The following HIVEP3 variants were observed in gnomAD, a reference collection of about 807,000 sequenced individuals.
HIVEP3 encodes the protein HIVEP zinc finger 3, also known as transcription factor HIVEP3.
In HIVEP3, 49 loss-of-function variants were observed where a neutral mutation model predicts 152.8. The ratio of observed to expected loss-of-function variants is 0.32; its 90% CI spans 0.26 to 0.41. HIVEP3 has a LOEUF of 0.41. HIVEP3 is among the 10% of genes least tolerant of loss of function. The pLI, the probability that HIVEP3 is intolerant of heterozygous loss-of-function variation, is 1.00. For missense variants in HIVEP3, 2,790 were observed against 3,103.3 expected (o/e 0.90, Z 2.40); for synonymous variants, 1,269 against 1,289.0 (o/e 0.98, Z 0.33).
chr1:41,956,341 C>T (rs1374356500), intron 1 of HIVEP3, among the ~76,000 whole-genome samples: 2 of 152,140 alleles, frequency 1.3e-5, no homozygotes, highest in Non-Finnish European at 1.5e-5. Context: ...TTATCTGTTT[C>T]GTGTATGAAA....
chr1:41,605,372 C>T (rs1264767593), intron 3 of HIVEP3, among the ~76,000 whole-genome samples: 9 of 84,010 alleles, frequency 1.1e-4, no homozygotes, highest in African/African-American at 1.6e-4. Flanking sequence ...CACACGCACA[C>T]GCGCACACAC....
chr1:41,877,896 A>C (rs1644196105), intron 1 of HIVEP3, among the ~76,000 whole-genome samples: 1 of 152,206 alleles, frequency 6.6e-6, no homozygotes, highest in South Asian at 2.1e-4. Context: ...TAAATCAGAT[A>C]ATCTAAATCA....
At chr1:41,697,780 A>G (rs1345316553) in intron 2 of HIVEP3, among the ~76,000 whole-genome samples, 1 of 152,192 alleles carries the variant, frequency 6.6e-6, no homozygotes, top group Non-Finnish European at 1.5e-5. Flanking sequence ...GGCCCAGTTC[A>G]TCCAGGCATT....
chr1:41,867,060 C>G (rs1643990501), intron 1 of HIVEP3, among the ~76,000 whole-genome samples: 1 of 152,120 alleles, frequency 6.6e-6, no homozygotes, highest in Admixed American at 6.5e-5. Flanking sequence ...TGATGGAGAG[C>G]CAGGGCCAGT....
At chr1:41,684,084 C>T (rs1646080644) in intron 2 of HIVEP3, among the ~76,000 whole-genome samples, 1 of 152,174 alleles carries the variant, frequency 6.6e-6, no homozygotes, top group Non-Finnish European at 1.5e-5. Context: ...GCTCTTTTGA[C>T]AAATGTGGAA....
chr1:41,860,326 T>G (rs1424972306), intron 1 of HIVEP3, among the ~76,000 whole-genome samples: 1 of 152,074 alleles, frequency 6.6e-6, no homozygotes, highest in Non-Finnish European at 1.5e-5. Context: ...ACAACAAACA[T>G]GTTCATAATC....
At chr1:41,639,540 G>C (rs1168454594) in intron 2 of HIVEP3, among the ~76,000 whole-genome samples, 1 of 152,194 alleles carries the variant, frequency 6.6e-6, no homozygotes, top group African/African-American at 2.4e-5. Context: ...ATAAATGCCT[G>C]TGCCCTTCTT....
chr1:41,957,711 G>A (rs1371928963), intron 1 of HIVEP3, among the ~76,000 whole-genome samples: 1 of 152,178 alleles, frequency 6.6e-6, no homozygotes, highest in African/African-American at 2.4e-5. Context: ...TTAGCTAAAG[G>A]ATAAGATGAA....
intron 1 of HIVEP3, among the ~76,000 whole-genome samples, chr1:41,774,074 A>G (rs543830895): frequency 5.4e-4 from 82 of 152,332 alleles, no homozygotes; most frequent in African/African-American, 1.6e-3. Context: ...ACACTTTCCA[A>G]TGAGATGAGA....
chr1:41,819,378 G>A (rs961278157), intron 1 of HIVEP3, among the ~76,000 whole-genome samples: 1 of 151,262 alleles, frequency 6.6e-6, no homozygotes, highest in Non-Finnish European at 1.5e-5. Context: ...TTTGTTTTCT[G>A]ATTTAGTTGC....
chr1:41,830,449 G>A (rs1558306775), intron 1 of HIVEP3, among the ~76,000 whole-genome samples: 2 of 152,194 alleles, frequency 1.3e-5, no homozygotes, highest in Admixed American at 1.3e-4. Flanking sequence ...GTACTGCCCA[G>A]GTCCCCTCCA....
At chr1:41,963,920 G>A (rs979769087) in intron 1 of HIVEP3, among the ~76,000 whole-genome samples, 1 of 152,160 alleles carries the variant, frequency 6.6e-6, no homozygotes, top group Non-Finnish European at 1.5e-5. Context: ...AAGCTCTACT[G>A]CTTTATTCTG....
chr1:41,838,040 A>G (rs1482424129), intron 1 of HIVEP3, among the ~76,000 whole-genome samples: 1 of 152,216 alleles, frequency 6.6e-6, no homozygotes, highest in African/African-American at 2.4e-5. Flanking sequence ...TGAAAGGAAC[A>G]GGAATTCTGC....
intron 7 of HIVEP3, among the ~76,000 whole-genome samples, chr1:41,514,371 G>A (rs528661942): frequency 1.3e-5 from 2 of 152,352 alleles, no homozygotes; most frequent in South Asian, 4.1e-4. Context: ...GATGAAATCT[G>A]TTATTCCAGG....
At chr1:41,919,614 A>G (rs1281921313), upstream of HIVEP3, among the ~76,000 whole-genome samples, 1 of 152,068 alleles carries the variant, frequency 6.6e-6, no homozygotes, top group Admixed American at 6.5e-5. Context: ...CTTCTTCAAG[A>G]TTTTGTTATT....
At chr1:41,709,267 T>C (rs530721246) in intron 1 of HIVEP3, among the ~76,000 whole-genome samples, 4 of 152,206 alleles carry the variant, frequency 2.6e-5, no homozygotes, top group Non-Finnish European at 4.4e-5. Context: ...CCCTATTGTG[T>C]AAGTCCCTTG....
At chr1:42,022,650 A>G (rs1488102382) in intron 1 of HIVEP3, among the ~76,000 whole-genome samples, 2 of 152,202 alleles carry the variant, frequency 1.3e-5, no homozygotes, top group Admixed American at 6.5e-5. Flanking sequence ...TCTACACTAA[A>G]TGCATATTTT....
intron 1 of HIVEP3, among the ~76,000 whole-genome samples, chr1:41,930,383 T>A (rs2124480032): frequency 6.6e-6 from 1 of 152,324 alleles, no homozygotes; most frequent in South Asian, 2.1e-4. Flanking sequence ...AAATATGAAC[T>A]TTTTGGGTCT....
chr1:41,845,874 C>G (rs940035932), intron 1 of HIVEP3, among the ~76,000 whole-genome samples: 1 of 152,118 alleles, frequency 6.6e-6, no homozygotes, highest in Non-Finnish European at 1.5e-5. Flanking sequence ...CAAGACCAGC[C>G]TGGCCAACAT....
Sources: allele counts gnomAD v4.1 joint callset (sites outside exome capture counted in the v4.1 genomes callset), GRCh38; gene constraint gnomAD v4.1.1; transcripts MANE v1.5; gene names NCBI Gene and HGNC (gene_info 2026-07-23, HGNC 2026-07-21).